Variants in EBF1 observed in about 807,000 individuals in gnomAD.
The protein encoded by EBF1 is transcription factor COE1.
A neutral mutation model predicts 68.4 loss-of-function variants in EBF1; 10 were observed. The ratio of observed to expected loss-of-function variants is 0.15; its 90% CI spans 0.09 to 0.25. The LOEUF (loss-of-function observed/expected upper bound fraction) is 0.25. Ranked by LOEUF, EBF1 falls within the 10% of genes least tolerant of loss-of-function variation. EBF1 has a pLI of 1.00. For synonymous variants in EBF1, 298 were observed against 299.8 expected (o/e 0.99, Z 0.06); for missense variants, 509 against 794.4 (o/e 0.64, Z 4.32).
Position 158,734,144 on chromosome 5 carries a change from T to C in EBF1, c.1037-2987A>G, listed in dbSNP as rs192811292. Reference sequence around the variant, plus strand: ...GTTACTTTTTTTAAACAAACATATATAGAATAAAGAAAATATGTCTGTGTA... The same window carrying C: ...GTTACTTTTTTTAAACAAACATATACAGAATAAAGAAAATATGTCTGTGTA... On this transcript the variant is annotated intron_variant, in intron 10 of 15. Transcript: ENST00000313708. Among the ~76,000 whole-genome samples, 33 of 152,298 alleles carry C rather than the reference T, an allele frequency of 2.2e-4. No individual in the cohort carries two copies. The South Asian group carries it at 2.5e-3, about 11-fold the overall frequency.
chr5:158,829,013 T>C (rs764998381), intron 7 of EBF1, among the ~76,000 whole-genome samples: 6 of 152,140 alleles, frequency 3.9e-5, no homozygotes, highest in Non-Finnish European at 8.8e-5. Flanking sequence ...AAAAGATCAG[T>C]GGTTGCCAGG....
At chr5:158,976,930 A>G (rs1756885457) in intron 6 of EBF1, among the ~76,000 whole-genome samples, 1 of 152,214 alleles carries the variant, frequency 6.6e-6, no homozygotes, top group Non-Finnish European at 1.5e-5. Flanking sequence ...GGAAAGTTAC[A>G]GCAGAGCTCT....
At chr5:158,996,322 G>C (rs959525258) in intron 6 of EBF1, among the ~76,000 whole-genome samples, 1 of 152,132 alleles carries the variant, frequency 6.6e-6, no homozygotes, top group African/African-American at 2.4e-5. Flanking sequence ...TACTTCCTGG[G>C]TAAATTAGTG....
At chr5:158,813,001 G>A (rs928482691) in intron 8 of EBF1, among the ~76,000 whole-genome samples, 2 of 152,140 alleles carry the variant, frequency 1.3e-5, no homozygotes, top group African/African-American at 4.8e-5. Flanking sequence ...ATGTTTCCCA[G>A]GGTCCTACAC....
Position 158,708,701 on chromosome 5 carries a change from C to T in EBF1, c.1550-528G>A, listed in dbSNP as rs560159296. 3.9e-5 allele frequency among the ~76,000 whole-genome samples: 6 copies of T among 152,118 alleles called. No homozygotes were observed. In the South Asian group the frequency reaches 1.3e-3, roughly 32 times the overall value. On this transcript the variant is annotated intron_variant, in intron 14 of 15. Coordinates refer to ENST00000313708, the MANE Select transcript of EBF1 (RefSeq NM_024007.5). ...TAGAAGAGGTATCAGGGGATGCATC[C>T]CAGGTAGAGCCTAAACTAAAGTTCT...
At chr5:158,700,739 TTC>T (rs1756568996) in intron 15 of EBF1, among the ~76,000 whole-genome samples, 1 of 152,178 alleles carries the variant, frequency 6.6e-6, no homozygotes, top group Non-Finnish European at 1.5e-5. Flanking sequence ...ATCCACATGT[TTC>T]TGATTCATTT....
chr5:158,912,663 T>C (rs6556371), intron 6 of EBF1, among the ~76,000 whole-genome samples: 117,950 of 152,028 alleles, frequency 0.78, 46,455 homozygotes, highest in South Asian at 0.88. Context: ...TCACAACAAC[T>C]CCATGAAGAA....
chr5:158,890,801 C>T (rs1801027927), intron 6 of EBF1, among the ~76,000 whole-genome samples: 1 of 152,142 alleles, frequency 6.6e-6, no homozygotes, highest in Non-Finnish European at 1.5e-5. Flanking sequence ...TGTAGGTTTT[C>T]TATTTAACAT....
intron 9 of EBF1, among the ~76,000 whole-genome samples, chr5:158,789,951 A>G (rs1210425398): frequency 6.6e-6 from 1 of 152,216 alleles, no homozygotes; most frequent in Non-Finnish European, 1.5e-5. Context: ...TGCATTTACC[A>G]CTTGGTTTTC....
intron 4 of EBF1, among the ~76,000 whole-genome samples, chr5:159,091,643 C>T (rs1323751561): frequency 5.9e-5 from 9 of 152,108 alleles, no homozygotes; most frequent in African/African-American, 2.2e-4. Flanking sequence ...GGTTGTTAAT[C>T]AAATCTATGT....
chr5:159,077,622 T>A (rs1437675964), intron 5 of EBF1, among the ~76,000 whole-genome samples: 1 of 151,990 alleles, frequency 6.6e-6, no homozygotes, highest in Non-Finnish European at 1.5e-5. Context: ...TGGCACACAG[T>A]ATGCCATCAG....
At chr5:158,769,398 AT>A (rs35953184) in intron 10 of EBF1, among the ~76,000 whole-genome samples, 5,129 of 152,190 alleles carry the variant, frequency 0.034, 300 homozygotes, top group African/African-American at 0.12. Flanking sequence ...GTCAGTGAAA[AT>A]ATCCCTTTTA....
intron 6 of EBF1, among the ~76,000 whole-genome samples, chr5:158,843,090 C>T (rs1199988961): frequency 1.3e-5 from 2 of 152,184 alleles, no homozygotes; most frequent in South Asian, 2.1e-4. Flanking sequence ...ATGATTTCCA[C>T]AACAGCAACA....
chr5:158,821,237 C>G (rs1363580093), intron 8 of EBF1, among the ~76,000 whole-genome samples: 3 of 152,152 alleles, frequency 2.0e-5, no homozygotes, highest in African/African-American at 7.2e-5. Flanking sequence ...TGTCCAAGGT[C>G]AAATAGAGGC....
intron 6 of EBF1, among the ~76,000 whole-genome samples, chr5:158,988,773 A>G (rs1561719766): frequency 6.6e-6 from 1 of 152,220 alleles, no homozygotes; most frequent in East Asian, 1.9e-4. Flanking sequence ...GATGCGAAGG[A>G]GAGATAACTA....
intron 6 of EBF1, among the ~76,000 whole-genome samples, chr5:159,000,349 A>G (rs530191853): frequency 6.6e-6 from 1 of 152,332 alleles, no homozygotes; most frequent in South Asian, 2.1e-4. Flanking sequence ...TGAGTAATAC[A>G]GATAAAGCTT....
chr5:159,094,503 G>C (rs2128003211), intron 4 of EBF1, among the ~76,000 whole-genome samples: 1 of 152,212 alleles, frequency 6.6e-6, no homozygotes, highest in East Asian at 1.9e-4. Flanking sequence ...ATGCCCAACA[G>C]CTTATTAATG....
intron 10 of EBF1, among the ~76,000 whole-genome samples, chr5:158,751,743 A>G (rs930973114): frequency 6.6e-6 from 1 of 152,138 alleles, no homozygotes; most frequent in African/African-American, 2.4e-5. Flanking sequence ...TACGTTATAC[A>G]ATAAGTACTT....
chr5:158,894,283 T>C (rs1801747438), intron 6 of EBF1, among the ~76,000 whole-genome samples: 1 of 152,214 alleles, frequency 6.6e-6, no homozygotes, highest in African/African-American at 2.4e-5. Flanking sequence ...GAATCAAATC[T>C]ATTTTGGATC....
Sources: gnomAD v4.1 joint callset for allele counts (sites outside exome capture counted in the v4.1 genomes callset) on GRCh38, gnomAD v4.1.1 for gene constraint, MANE v1.5 for transcripts, NCBI Gene and HGNC (gene_info 2026-07-23, HGNC 2026-07-21) for gene names.